The following DMD variants were observed in gnomAD, a reference collection of about 807,000 sequenced individuals.
DMD encodes the protein mutant dystrophin.
DMD carries 63 observed loss-of-function variants against 330.1 expected under a neutral mutation model. That is an observed-to-expected ratio of 0.19 (90% confidence interval 0.16 to 0.24). DMD has a LOEUF of 0.24. Among genes scored for constraint, DMD ranks in the 10% least tolerant of loss-of-function variants. The pLI is 1.00. For missense variants in DMD, 3,344 were observed against 2,684.1 expected (o/e 1.25, Z -5.43); for synonymous variants, 1,223 against 959.8 (o/e 1.27, Z -5.07).
intron 30 of DMD, among the ~76,000 whole-genome samples, chrX:32,410,730 A>C (rs1477527469): frequency 1.8e-5 from 2 of 111,919 alleles, no homozygotes; most frequent in African/African-American, 6.5e-5. Flanking sequence ...CTTTTGAATA[A>C]ATAATACCTA....
rs1389003787 is a variant in DMD, at chrX:33,191,204, T to C, written c.31+20078A>G. 5.4e-4 allele frequency among the ~76,000 whole-genome samples: 56 copies of C among 104,137 alleles called. 2 individuals carry two copies. Among genetic ancestry groups the C allele is most frequent in the Non-Finnish European group, 7.8e-5 (4 of 51,144 alleles). The allele number at this position is 104,137 out of a possible 115,157, so 90.4% of individuals were successfully genotyped here. On this transcript the variant is annotated intron_variant, in intron 1 of 78. Coordinates refer to ENST00000357033, the MANE Select transcript of DMD (RefSeq NM_004006.3). ...TGCCCTAAGGCTCTTATCTGGGATATAACTGCAACCCTCTTACACCTGCTT... is the reference window on the plus strand; with the variant it reads ...TGCCCTAAGGCTCTTATCTGGGATACAACTGCAACCCTCTTACACCTGCTT...
chrX:32,145,076 T>C (rs2096772524), intron 44 of DMD, among the ~76,000 whole-genome samples: 1 of 111,795 alleles, frequency 8.9e-6, no homozygotes, highest in East Asian at 2.8e-4. Context: ...CACTTTGAAA[T>C]CTATTTTTTG....
At chrX:31,427,743 T>C (rs759388317) in intron 60 of DMD, among the ~76,000 whole-genome samples, 1 of 111,089 alleles carries the variant, frequency 9.0e-6, no homozygotes, top group East Asian at 2.8e-4. Context: ...GGCAAATTGG[T>C]GGGATGGGCA....
chrX:31,779,946 G>A (rs1387612033), intron 50 of DMD, among the ~76,000 whole-genome samples: 3 of 111,977 alleles, frequency 2.7e-5, no homozygotes, highest in East Asian at 5.6e-4. Context: ...AACAGTAGGT[G>A]TAATATACTA....
At chrX:33,244,211 T>C (rs1194262041) in intron 1 of DMD, among the ~76,000 whole-genome samples, 1 of 111,479 alleles carries the variant, frequency 9.0e-6, no homozygotes, top group Non-Finnish European at 1.9e-5. Context: ...CTTTTCCCCA[T>C]CCAGTATAAT....
intron 50 of DMD, among the ~76,000 whole-genome samples, chrX:31,780,495 T>G (rs1340903477): frequency 1.8e-5 from 2 of 112,075 alleles, no homozygotes; most frequent in Non-Finnish European, 3.8e-5. Flanking sequence ...TAAGAAAGAT[T>G]GTTAGCGACT....
intron 51 of DMD, among the ~76,000 whole-genome samples, chrX:31,769,993 G>C (rs1251486176): frequency 8.9e-6 from 1 of 111,848 alleles, no homozygotes; most frequent in Non-Finnish European, 1.9e-5. Context: ...AGGTGAACTG[G>C]ACTCTCTTTT....
chrX:32,541,058 G>A (rs1166274768), intron 17 of DMD, among the ~76,000 whole-genome samples: 1 of 111,691 alleles, frequency 9.0e-6, no homozygotes, highest in African/African-American at 3.3e-5. Context: ...TGACGGAAAT[G>A]ATGGCACTTG....
intron 45 of DMD, among the ~76,000 whole-genome samples, chrX:31,961,740 GTTT>G (rs59279553): frequency 3.6e-4 from 27 of 75,606 alleles, no homozygotes; most frequent in African/African-American, 1.3e-3. Flanking sequence ...AAAGGAAGCG[GTTT>G]TTTTTTTTTT....
intron 55 of DMD, among the ~76,000 whole-genome samples, chrX:31,513,243 G>C (rs375728449): frequency 5.3e-5 from 5 of 94,842 alleles, no homozygotes; most frequent in Admixed American, 1.2e-4. Context: ...GGGCTGAGAC[G>C]ATGGGGTTTT....
chrX:32,618,440 T>C (rs1294421706), intron 11 of DMD, among the ~76,000 whole-genome samples: 1 of 111,485 alleles, frequency 9.0e-6, no homozygotes, highest in East Asian at 2.8e-4. Context: ...ACGTTCTCAC[T>C]TATAAGTGGG....
At chrX:31,140,497 G>GCA (rs1371728313) in intron 76 of DMD, among the ~76,000 whole-genome samples, 1 of 111,953 alleles carries the variant, frequency 8.9e-6, no homozygotes, top group Non-Finnish European at 1.9e-5. Context: ...AGAAGAAAAA[G>GCA]CACACTGATG....
At chrX:32,696,891 C>T (rs1252826807) in intron 9 of DMD, among the ~76,000 whole-genome samples, 2 of 110,962 alleles carry the variant, frequency 1.8e-5, no homozygotes, top group Admixed American at 1.9e-4. Context: ...GAGGTCATAA[C>T]TATTTCAAAG....
intron 12 of DMD, among the ~76,000 whole-genome samples, chrX:32,606,346 T>C (rs1569295607): frequency 9.1e-6 from 1 of 109,898 alleles, no homozygotes; most frequent in Non-Finnish European, 1.9e-5. Flanking sequence ...TCCACATTGT[T>C]CCAAATGACA....
intron 13 of DMD, among the ~76,000 whole-genome samples, chrX:32,586,170 A>G (rs1385456157): frequency 4.5e-5 from 5 of 111,302 alleles, no homozygotes; most frequent in African/African-American, 1.6e-4. Context: ...AAGTAAATAA[A>G]ATAAAAAATC....
At chrX:31,383,524 G>C (rs1000915105) in intron 60 of DMD, among the ~76,000 whole-genome samples, 4 of 111,923 alleles carry the variant, frequency 3.6e-5, no homozygotes, top group African/African-American at 1.3e-4. Context: ...GAAGAGGGCG[G>C]GTCTCTGGCA....
chrX:33,303,846 T>C (rs1194761088), intron 1 of DMD, among the ~76,000 whole-genome samples: 1 of 111,575 alleles, frequency 9.0e-6, no homozygotes, highest in Non-Finnish European at 1.9e-5. Context: ...GAATTATGCA[T>C]TATTGGGTAT....
At chrX:32,121,220 A>G (rs1371244417) in intron 44 of DMD, among the ~76,000 whole-genome samples, 1 of 111,549 alleles carries the variant, frequency 9.0e-6, no homozygotes, top group Non-Finnish European at 1.9e-5. Flanking sequence ...TCGAAAGACA[A>G]AAAATGAATA....
chrX:31,679,986 G>T (rs1360318025), intron 52 of DMD, among the ~76,000 whole-genome samples: 1 of 112,222 alleles, frequency 8.9e-6, no homozygotes, highest in Non-Finnish European at 1.9e-5. Flanking sequence ...ACAGGAGTTT[G>T]CTTTGCCATC....
Sources: allele counts gnomAD v4.1 joint callset (sites outside exome capture counted in the v4.1 genomes callset), GRCh38; gene constraint gnomAD v4.1.1; transcripts MANE v1.5; gene names NCBI Gene and HGNC (gene_info 2026-07-23, HGNC 2026-07-21).